EPHB1: variants seen among roughly 807,000 people sequenced by gnomAD.
EPHB1 encodes EPH receptor B1, also known as ephrin type-B receptor 1.
In EPHB1, 30 loss-of-function variants were observed where a neutral mutation model predicts 94.4. That is an observed-to-expected ratio of 0.32 (90% CI 0.24 to 0.43). The LOEUF (loss-of-function observed/expected upper bound fraction) is 0.43, where lower values mean the gene tolerates loss of function less well. Among genes scored for constraint, EPHB1 ranks in the 20% least tolerant of loss-of-function variants. The pLI is 1.00. For synonymous variants in EPHB1, 522 were observed against 489.1 expected (o/e 1.07, Z -0.89); for missense variants, 1,055 against 1,308.3 (o/e 0.81, Z 2.99).
At chr3:135,234,378 T>TATC (rs76126245) in intron 12 of EPHB1, among the ~76,000 whole-genome samples, 5 of 152,046 alleles carry the variant, frequency 3.3e-5, no homozygotes, top group African/African-American at 1.2e-4. Flanking sequence ...TCCATATTCC[T>TATC]ATCAGCATTT....
intron 15 of EPHB1, among the ~76,000 whole-genome samples, chr3:135,254,844 C>T (rs1485407316): frequency 1.3e-5 from 2 of 152,102 alleles, no homozygotes. Context: ...TCCATCTGGT[C>T]CTGGACTCTT....
chr3:134,932,229 C>T (rs1037557033), intron 2 of EPHB1, among the ~76,000 whole-genome samples: 1 of 152,152 alleles, frequency 6.6e-6, no homozygotes, highest in Non-Finnish European at 1.5e-5. Context: ...ACTCCTGATA[C>T]GAGCTACATG....
chr3:134,811,922 G>C (rs6762299), intron 1 of EPHB1, among the ~76,000 whole-genome samples: 1 of 152,142 alleles, frequency 6.6e-6, no homozygotes, highest in Non-Finnish European at 1.5e-5. Context: ...ATATCCTAGG[G>C]AGATCCAGAA....
chr3:134,996,633 G>C (rs1356563362), intron 3 of EPHB1, among the ~76,000 whole-genome samples: 1 of 152,096 alleles, frequency 6.6e-6, no homozygotes, highest in Non-Finnish European at 1.5e-5. Flanking sequence ...CTGCCCATGA[G>C]AGTGACTGCT....
At chr3:134,903,091 C>G (rs566706007) in intron 1 of EPHB1, among the ~76,000 whole-genome samples, 1 of 152,278 alleles carries the variant, frequency 6.6e-6, no homozygotes, top group East Asian at 1.9e-4. Flanking sequence ...GTACTAGGTC[C>G]CATTTGTATA....
chr3:134,825,969 C>T (rs113320751), intron 1 of EPHB1, among the ~76,000 whole-genome samples: 11 of 151,724 alleles, frequency 7.3e-5, no homozygotes, highest in Admixed American at 3.3e-4. Flanking sequence ...AGACTGGGTG[C>T]GGTGGCTCAC....
chr3:135,056,910 G>A lies in EPHB1; in HGVS notation c.806-49538G>A, dbSNP rs115310176. Among the ~76,000 whole-genome samples, 1,242 of 152,200 alleles carry A rather than the reference G, an allele frequency of 8.2e-3. 17 individuals are homozygous for A. The highest frequency in any genetic ancestry group is 0.027 in the African/African-American group (1,109 of 41,528). On this transcript the variant is annotated intron_variant, in intron 3 of 15. Coordinates refer to ENST00000398015, the MANE Select transcript of EPHB1 (RefSeq NM_004441.5). ...TGGGAGAAGATTCTTACCCAAGTGC[G>A]TGTTATTCAGGGCACCTGCTCCTCC... is the stretch of plus-strand genomic sequence containing the variant.
rs1381439372 is a variant in EPHB1, at chr3:135,260,045, A to AG, written c.*927dup. 1 of 231,030 alleles carries AG rather than the reference A, an allele frequency of 4.3e-6. No individual in the cohort carries two copies. Among genetic ancestry groups the AG allele is most frequent in the Non-Finnish European group, 8.6e-6 (1 of 116,500 alleles). The allele number at this position is 231,030 out of a possible 1,614,324, so 14.3% of individuals were successfully genotyped here. ...AGGAGAGGGAGAAAAATAAAATGAAAGGAAAAAAAAAAGTTTGCAAATTCA... is the reference window on the plus strand; with the variant it reads ...AGGAGAGGGAGAAAAATAAAATGAAAGGGAAAAAAAAAAGTTTGCAAATTCA... On this transcript the variant is annotated 3_prime_UTR_variant, in exon 16 of 16. Transcript: ENST00000398015.
intron 12 of EPHB1, among the ~76,000 whole-genome samples, chr3:135,206,613 G>A (rs1400057123): frequency 6.6e-6 from 1 of 152,206 alleles, no homozygotes; most frequent in Non-Finnish European, 1.5e-5. Flanking sequence ...ACTTTGGGAG[G>A]CCGAGGTGGG....
At chr3:134,864,868 G>A (rs2037340221) in intron 1 of EPHB1, among the ~76,000 whole-genome samples, 1 of 152,230 alleles carries the variant, frequency 6.6e-6, no homozygotes, top group Non-Finnish European at 1.5e-5. Flanking sequence ...CTGTCCCGGA[G>A]TGGCTCACAT....
chr3:134,861,394 A>T (rs990016011), intron 1 of EPHB1, among the ~76,000 whole-genome samples: 12 of 151,970 alleles, frequency 7.9e-5, no homozygotes, highest in Admixed American at 1.3e-4. Context: ...AGTGGTATGG[A>T]CTCCACATTT....
At chr3:135,021,730 C>T (rs1935993447) in intron 3 of EPHB1, among the ~76,000 whole-genome samples, 1 of 152,068 alleles carries the variant, frequency 6.6e-6, no homozygotes, top group Non-Finnish European at 1.5e-5. Context: ...GATTATTTCT[C>T]TCTAATTTTA....
At chr3:135,108,310 GAATT>G (rs1270782842) in intron 4 of EPHB1, among the ~76,000 whole-genome samples, 2 of 152,208 alleles carry the variant, frequency 1.3e-5, no homozygotes, top group Admixed American at 1.3e-4. Flanking sequence ...AGTGCACTAA[GAATT>G]AATATTTTTA....
At chr3:135,024,172 G>A (rs557193167) in intron 3 of EPHB1, among the ~76,000 whole-genome samples, 1 of 152,276 alleles carries the variant, frequency 6.6e-6, no homozygotes, top group Non-Finnish European at 1.5e-5. Flanking sequence ...ACCAGGCAGT[G>A]ATGAAAATCC....
rs546905909 is a variant in EPHB1, at chr3:135,210,735, C to CT, written c.2346+9047dup. ...GCCCTTCCATCTCGTTCTCCAGACT[C>CT]TGAGTCCAATGCTCAGGACACTGTG... On this transcript the variant is annotated intron_variant, in intron 12 of 15. Coordinates refer to ENST00000398015, the MANE Select transcript of EPHB1 (RefSeq NM_004441.5). Among the ~76,000 whole-genome samples the CT allele has an allele frequency of 3.8e-3, 585 of 152,340 alleles. 1 individual carries two copies. Among genetic ancestry groups the CT allele is most frequent in the Non-Finnish European group, 6.0e-3 (410 of 68,024 alleles).
intron 2 of EPHB1, among the ~76,000 whole-genome samples, chr3:134,946,843 T>C (rs982686450): frequency 1.1e-4 from 17 of 152,298 alleles, no homozygotes; most frequent in Middle Eastern, 3.4e-3. Context: ...CAGAAGTAGA[T>C]TGTGGTGCCA....
At chr3:134,808,156 CT>C (rs1425567808) in intron 1 of EPHB1, among the ~76,000 whole-genome samples, 3 of 152,202 alleles carry the variant, frequency 2.0e-5, no homozygotes, top group African/African-American at 7.2e-5. Context: ...CTCAGATAGG[CT>C]TTCTCATGAG....
chr3:134,994,483 G>C (rs1243474451), intron 3 of EPHB1, among the ~76,000 whole-genome samples: 4 of 152,180 alleles, frequency 2.6e-5, no homozygotes, highest in African/African-American at 9.7e-5. Context: ...GACTCCTCAA[G>C]TCATAGCCTC....
intron 10 of EPHB1, among the ~76,000 whole-genome samples, chr3:135,183,196 C>T (rs1455641141): frequency 1.5e-5 from 2 of 129,434 alleles, no homozygotes; most frequent in Admixed American, 1.6e-4. Flanking sequence ...TCCTCCCTTC[C>T]TTCCTCCCTC....
Sources: gnomAD v4.1 joint callset for allele counts (sites outside exome capture counted in the v4.1 genomes callset) on GRCh38, gnomAD v4.1.1 for gene constraint, MANE v1.5 for transcripts, NCBI Gene and HGNC (gene_info 2026-07-23, HGNC 2026-07-21) for gene names.